CAMKMT: variants seen among roughly 807,000 people sequenced by gnomAD.
CAMKMT encodes the protein calmodulin-lysine N-methyltransferase, also known as CaM KMT.
CAMKMT carries 53 observed loss-of-function variants against 48.0 expected under a neutral mutation model. That is an observed-to-expected ratio of 1.10 (90% CI 0.89 to 1.39). CAMKMT has a LOEUF of 1.39. Ranked by LOEUF, CAMKMT falls within the 40% of genes most tolerant of loss-of-function variation. The pLI is 0.00. For synonymous variants in CAMKMT, 165 were observed against 152.3 expected (o/e 1.08, Z -0.61); for missense variants, 428 against 402.7 (o/e 1.06, Z -0.54).
intron 6 of CAMKMT, among the ~76,000 whole-genome samples, chr2:44,710,355 A>G (rs938027213): frequency 7.2e-5 from 11 of 152,154 alleles, no homozygotes; most frequent in African/African-American, 2.7e-4. Flanking sequence ...AGATGTCTGG[A>G]AAGATATTAA....
intron 3 of CAMKMT, among the ~76,000 whole-genome samples, chr2:44,398,576 T>C (rs1466925585): frequency 6.6e-6 from 1 of 150,900 alleles, no homozygotes; most frequent in African/African-American, 2.4e-5. Context: ...TCTTTTTTTT[T>C]TTTTTTGAGA....
At chr2:44,493,054 C>T (rs574467139) in intron 3 of CAMKMT, among the ~76,000 whole-genome samples, 2 of 151,834 alleles carry the variant, frequency 1.3e-5, no homozygotes, top group African/African-American at 4.8e-5. Context: ...CCACCATGCC[C>T]AGCTAATTTT....
At position 44,440,003 on chromosome 2, in the gene CAMKMT, T is replaced by C. The variant is rs1197152535; in HGVS notation, c.376+49698T>C. Among the ~76,000 whole-genome samples, 3 of 152,276 alleles carry C rather than the reference T, an allele frequency of 2.0e-5. No homozygotes were observed. In the East Asian group the frequency reaches 5.8e-4, roughly 29 times the overall value. ...CTCATTGGCAGGCTCAAGCCTCTCATCTTTTCTGACAGTGCCTCCATCTCA... is the reference window on the plus strand; with the variant it reads ...CTCATTGGCAGGCTCAAGCCTCTCACCTTTTCTGACAGTGCCTCCATCTCA... On this transcript the variant is annotated intron_variant, in intron 3 of 10. Coordinates refer to ENST00000378494, the MANE Select transcript of CAMKMT (RefSeq NM_024766.5).
intron 3 of CAMKMT, among the ~76,000 whole-genome samples, chr2:44,429,467 A>C (rs1428101213): frequency 6.6e-6 from 1 of 152,054 alleles, no homozygotes; most frequent in Non-Finnish European, 1.5e-5. Context: ...TATCATACTT[A>C]CTTCAACATC....
At chr2:44,610,082 T>G (rs1431613518) in intron 3 of CAMKMT, among the ~76,000 whole-genome samples, 1 of 152,150 alleles carries the variant, frequency 6.6e-6, no homozygotes, top group Non-Finnish European at 1.5e-5. Flanking sequence ...GAAGGAGGTT[T>G]ATATTATATA....
intron 3 of CAMKMT, among the ~76,000 whole-genome samples, chr2:44,606,730 A>G (rs1156488401): frequency 6.6e-6 from 1 of 152,140 alleles, no homozygotes. Context: ...CCCTTTCAGA[A>G]TATAAACAAA....
intron 3 of CAMKMT, among the ~76,000 whole-genome samples, chr2:44,487,385 A>ATT: frequency 6.6e-6 from 1 of 152,262 alleles, no homozygotes; most frequent in South Asian, 2.1e-4. Flanking sequence ...AGTTTTTAGT[A>ATT]TTTGTTTATT....
intron 3 of CAMKMT, among the ~76,000 whole-genome samples, chr2:44,445,437 C>T (rs188712081): frequency 1.4e-4 from 21 of 152,178 alleles, no homozygotes; most frequent in African/African-American, 2.4e-4. Context: ...AAATGCATCC[C>T]GAACCCCTGG....
chr2:44,605,387 T>G (rs1671227996), intron 3 of CAMKMT, among the ~76,000 whole-genome samples: 1 of 152,148 alleles, frequency 6.6e-6, no homozygotes, highest in African/African-American at 2.4e-5. Context: ...CATGTCTTTC[T>G]TGAGGGTGAG....
intron 3 of CAMKMT, among the ~76,000 whole-genome samples, chr2:44,418,537 T>C (rs1323120171): frequency 2.0e-5 from 3 of 152,210 alleles, no homozygotes; most frequent in Non-Finnish European, 4.4e-5. Flanking sequence ...CACATCCTTT[T>C]TGAAAATCAT....
chr2:44,532,328 A>G (rs1235823527), intron 3 of CAMKMT, among the ~76,000 whole-genome samples: 2 of 152,222 alleles, frequency 1.3e-5, no homozygotes, highest in East Asian at 3.8e-4. Context: ...GTGTGAATTC[A>G]AAAGGGAATA....
intron 3 of CAMKMT, among the ~76,000 whole-genome samples, chr2:44,553,248 G>A (rs1255679811): frequency 2.6e-5 from 4 of 151,702 alleles, no homozygotes; most frequent in African/African-American, 7.3e-5. Flanking sequence ...CATATGAACC[G>A]TCTTCATTTT....
intron 3 of CAMKMT, among the ~76,000 whole-genome samples, chr2:44,515,597 T>C (rs1670795170): frequency 6.6e-6 from 1 of 152,164 alleles, no homozygotes; most frequent in African/African-American, 2.4e-5. Flanking sequence ...GGAGTAACCA[T>C]GGCACCAGTG....
intron 3 of CAMKMT, among the ~76,000 whole-genome samples, chr2:44,570,599 AG>A (rs1238752693): frequency 6.6e-6 from 1 of 152,224 alleles, no homozygotes; most frequent in Non-Finnish European, 1.5e-5. Context: ...TAACCAAAAC[AG>A]AAACAATATA....
chr2:44,410,476 T>A (rs911721165), intron 3 of CAMKMT, among the ~76,000 whole-genome samples: 1 of 150,874 alleles, frequency 6.6e-6, no homozygotes, highest in Non-Finnish European at 1.5e-5. Context: ...AGCCAGGAAG[T>A]ATATTTTACA....
At chr2:44,767,733 C>T (rs1251241060) in intron 10 of CAMKMT, among the ~76,000 whole-genome samples, 5 of 152,024 alleles carry the variant, frequency 3.3e-5, no homozygotes, top group Non-Finnish European at 7.4e-5. Context: ...CCTTTTCAAT[C>T]CCTCCCCCTA....
intron 3 of CAMKMT, among the ~76,000 whole-genome samples, chr2:44,514,401 G>A (rs189432180): frequency 7.5e-4 from 114 of 152,270 alleles, no homozygotes; most frequent in African/African-American, 2.6e-3. Flanking sequence ...TGATATAGGT[G>A]GCCCAGAGTG....
chr2:44,623,726 G>A (rs1672323489), intron 3 of CAMKMT, among the ~76,000 whole-genome samples: 2 of 152,158 alleles, frequency 1.3e-5, no homozygotes, highest in African/African-American at 4.8e-5. Flanking sequence ...ATATACCAGT[G>A]TAAACACCAC....
At chr2:44,540,157 T>TGC (rs1667018179) in intron 3 of CAMKMT, among the ~76,000 whole-genome samples, 1 of 71,472 alleles carries the variant, frequency 1.4e-5, no homozygotes. Flanking sequence ...TATATGTATA[T>TGC]ACATATATAT....
Sources: allele counts gnomAD v4.1 joint callset (sites outside exome capture counted in the v4.1 genomes callset), GRCh38; gene constraint gnomAD v4.1.1; transcripts MANE v1.5; gene names NCBI Gene and HGNC (gene_info 2026-07-23, HGNC 2026-07-21).